The following NLGN1 variants were observed in gnomAD, a reference collection of about 807,000 sequenced individuals.
The protein encoded by NLGN1 is neuroligin 1.
A neutral mutation model predicts 65.5 loss-of-function variants in NLGN1; 12 were observed. The observed-to-expected ratio is 0.18, with a 90% CI of 0.12 to 0.30. NLGN1 has a LOEUF of 0.30. Ranked by LOEUF, NLGN1 falls within the 10% of genes least tolerant of loss-of-function variation. The pLI is 1.00. For synonymous variants in NLGN1, 350 were observed against 359.5 expected (o/e 0.97, Z 0.30); for missense variants, 750 against 1,007.1 (o/e 0.74, Z 3.46).
At chr3:173,950,787 C>T (rs868186142) in intron 4 of NLGN1, among the ~76,000 whole-genome samples, 10 of 145,922 alleles carry the variant, frequency 6.9e-5, no homozygotes, top group Non-Finnish European at 1.3e-4. Flanking sequence ...CCAGCCTTGG[C>T]GACAGAGTAA....
chr3:174,142,495 A>C (rs1222076683), intron 4 of NLGN1, among the ~76,000 whole-genome samples: 1 of 152,194 alleles, frequency 6.6e-6, no homozygotes, highest in Non-Finnish European at 1.5e-5. Flanking sequence ...ATGTTAGTAC[A>C]AATTTTCTAA....
At chr3:174,161,602 T>C (rs1726522461) in intron 4 of NLGN1, among the ~76,000 whole-genome samples, 1 of 151,782 alleles carries the variant, frequency 6.6e-6, no homozygotes, top group African/African-American at 2.4e-5. Flanking sequence ...GGGGTTTCTA[T>C]AGCAGGGAAG....
intron 2 of NLGN1, among the ~76,000 whole-genome samples, chr3:173,561,840 A>G (rs1024234063): frequency 1.4e-4 from 22 of 152,168 alleles, no homozygotes; most frequent in African/African-American, 5.3e-4. Context: ...TAACCATCCA[A>G]TGGGAGAGAG....
At chr3:174,206,963 T>G (rs770768189) in intron 4 of NLGN1, among the ~76,000 whole-genome samples, 5 of 152,068 alleles carry the variant, frequency 3.3e-5, no homozygotes, top group Admixed American at 6.6e-5. Context: ...ACTTGCCTTA[T>G]TCCCCCTGGA....
chr3:173,611,728 TGACA>T (rs1251666255), intron 3 of NLGN1, among the ~76,000 whole-genome samples: 2 of 152,106 alleles, frequency 1.3e-5, no homozygotes, highest in Non-Finnish European at 2.9e-5. Flanking sequence ...CATTGTTTAC[TGACA>T]GACAGAGACA....
At chr3:173,562,747 A>G (rs145208174) in intron 2 of NLGN1, among the ~76,000 whole-genome samples, 163 of 152,208 alleles carry the variant, frequency 1.1e-3, no homozygotes, top group African/African-American at 3.6e-3. Flanking sequence ...CTGAAGTTCA[A>G]TTACTGGGTC....
chr3:174,235,098 A>T (rs2152822642), intron 4 of NLGN1, among the ~76,000 whole-genome samples: 1 of 143,060 alleles, frequency 7.0e-6, no homozygotes, highest in South Asian at 2.2e-4. Flanking sequence ...GGAGCATCTG[A>T]CCTGCATTCT....
In NLGN1 at chr3:174,076,724, AGTGT is replaced by A. The variant is rs143103332; in HGVS notation, c.647-198556_647-198553del. ...GAGAGAGAGAGAGAGAGAGAGAGAG[AGTGT>A]GTGTGTGTGTGTGTGTGTGTGTGTG... On this transcript the variant is annotated intron_variant, in intron 4 of 6. Transcript: ENST00000457714. 8.0e-3 allele frequency among the ~76,000 whole-genome samples: 654 copies of A among 81,780 alleles called. 8 individuals are homozygous for A. Among genetic ancestry groups the A allele is most frequent in the East Asian group, 0.045 (119 of 2,636 alleles). The allele number at this position is 81,780 out of a possible 152,430, so 53.7% of individuals were successfully genotyped here. A position where few individuals can be genotyped will look rare whatever the true frequency, so the allele number is the denominator to read the frequency against.
chr3:173,401,660 A>G (rs1211267012), intron 1 of NLGN1, among the ~76,000 whole-genome samples: 4 of 152,220 alleles, frequency 2.6e-5, no homozygotes, highest in South Asian at 2.1e-4. Flanking sequence ...TTTTAGGGTG[A>G]CATTTTACTA....
At chr3:174,014,021 A>G (rs1726065484) in intron 4 of NLGN1, among the ~76,000 whole-genome samples, 1 of 152,126 alleles carries the variant, frequency 6.6e-6, no homozygotes, top group African/African-American at 2.4e-5. Flanking sequence ...GGCTGAATCT[A>G]GTATTTTCTA....
intron 2 of NLGN1, among the ~76,000 whole-genome samples, chr3:173,465,146 G>T (rs1462758523): frequency 6.6e-6 from 1 of 152,220 alleles, no homozygotes; most frequent in South Asian, 2.1e-4. Flanking sequence ...ATTAAGCCTT[G>T]TTCAATTAAC....
At chr3:173,910,538 A>C (rs182414681) in intron 4 of NLGN1, 63 of 152,148 alleles carry the variant, frequency 4.1e-4, no homozygotes, top group African/African-American at 1.4e-3. Flanking sequence ...AATAGGAATA[A>C]TTAAGTAATC....
intron 4 of NLGN1, among the ~76,000 whole-genome samples, chr3:173,857,672 A>G (rs1191589279): frequency 6.6e-6 from 1 of 152,060 alleles, no homozygotes; most frequent in Non-Finnish European, 1.5e-5. Flanking sequence ...AGTGCCACTT[A>G]TTGGGCTACA....
intron 3 of NLGN1, among the ~76,000 whole-genome samples, chr3:173,635,585 C>T (rs1032569871): frequency 2.0e-5 from 3 of 152,016 alleles, no homozygotes; most frequent in Non-Finnish European, 4.4e-5. Flanking sequence ...AAAATGATTT[C>T]AGGAAACACG....
chr3:173,734,381 ATTTTTTTT>A (rs71162356), intron 3 of NLGN1, among the ~76,000 whole-genome samples: 14 of 40,062 alleles, frequency 3.5e-4, no homozygotes, highest in African/African-American at 8.8e-4. Context: ...GGATAATTCT[ATTTTTTTT>A]TTTTTTTTTT....
At chr3:173,770,784 T>C (rs765686723) in intron 3 of NLGN1, among the ~76,000 whole-genome samples, 2 of 152,066 alleles carry the variant, frequency 1.3e-5, no homozygotes, top group East Asian at 3.9e-4. Flanking sequence ...TTGAAGGGGA[T>C]TGAATAAGAT....
intron 1 of NLGN1, among the ~76,000 whole-genome samples, chr3:173,402,292 A>T (rs1717835008): frequency 6.6e-6 from 1 of 152,174 alleles, no homozygotes. Flanking sequence ...ACTTACAAAG[A>T]TATATTAACA....
intron 4 of NLGN1, among the ~76,000 whole-genome samples, chr3:174,021,158 T>C (rs1034743590): frequency 2.0e-5 from 3 of 151,782 alleles, no homozygotes; most frequent in African/African-American, 7.3e-5. Context: ...GATAAGAAAC[T>C]TAAAACAAGA....
intron 2 of NLGN1, among the ~76,000 whole-genome samples, chr3:173,449,041 G>GT (rs1430393381): frequency 2.6e-5 from 4 of 152,124 alleles, no homozygotes; most frequent in Middle Eastern, 3.4e-3. Flanking sequence ...TTTTTGAAGG[G>GT]TTTTTTGTGT....
Sources: allele counts gnomAD v4.1 joint callset (sites outside exome capture counted in the v4.1 genomes callset), GRCh38; gene constraint gnomAD v4.1.1; transcripts MANE v1.5; gene names NCBI Gene and HGNC (gene_info 2026-07-23, HGNC 2026-07-21).